The following KLHL41 variants were observed in gnomAD, a reference collection of about 807,000 sequenced individuals.
KLHL41 encodes kelch like family member 41.
Under a neutral mutation model 49.2 loss-of-function variants are expected in KLHL41, and 31 were observed. That is an observed-to-expected ratio of 0.63 (90% CI 0.47 to 0.85). The LOEUF (loss-of-function observed/expected upper bound fraction) is 0.85. Ranked by LOEUF, KLHL41 falls within the 40% of genes least tolerant of loss-of-function variation. KLHL41 has a pLI of 0.00. For synonymous variants in KLHL41, 218 were observed against 258.5 expected, an observed-to-expected ratio of 0.84 and a Z score of 1.50; for missense variants, 663 against 726.7, an observed-to-expected ratio of 0.91 and a Z score of 1.01.
intron 3 of KLHL41, among the ~76,000 whole-genome samples, chr2:169,516,021 G>A (rs968744087): frequency 2.0e-5 from 3 of 152,176 alleles, no homozygotes; most frequent in Non-Finnish European, 2.9e-5. Context: ...AGTGAGCTCC[G>A]AATGCTTCAG....
At chr2:169,513,515 A>G (rs1684062690) in intron 1 of KLHL41, among the ~76,000 whole-genome samples, 1 of 152,260 alleles carries the variant, frequency 6.6e-6, no homozygotes, top group Non-Finnish European at 1.5e-5. Context: ...CTAAGAATGC[A>G]CATGTGGAGA....
chr2:169,511,006 TC>T, intron 1 of KLHL41, 118 bp downstream of exon 1: 1 of 819,376 alleles, frequency 1.2e-6, no homozygotes, highest in Non-Finnish European at 1.9e-6. Flanking sequence ...GATGTCCTAT[TC>T]CAGTCCCTTG....
At position 169,525,632 on chromosome 2, in the gene KLHL41, G is replaced by A. The variant is rs762482219; in HGVS notation, c.1757G>A (p.Arg586His). Residue 586 changes from arginine to histidine, a missense_variant, in exon 6 of 6, where the codon CGT becomes CAT. Transcript: ENST00000284669. Reference sequence around the variant, plus strand: ...TGGGCTGGGATGTTGAAGGAAATACGTTATGCTTCAGGAGCTAGTTGCCTA... The same window carrying A: ...TGGGCTGGGATGTTGAAGGAAATACATTATGCTTCAGGAGCTAGTTGCCTA... Reference protein sequence around the residue: ...KEWAGMLKEIRYASGASCLAT... With the variant: ...KEWAGMLKEIHYASGASCLAT... 47 of 1,613,430 alleles carry A rather than the reference G, an allele frequency of 2.9e-5. No individual in the cohort carries two copies. Among genetic ancestry groups the A allele is most frequent in the South Asian group, 2.7e-4 (25 of 91,072 alleles).
At chr2:169,516,850 C>T (rs147511197) in intron 3 of KLHL41, among the ~76,000 whole-genome samples, 57 of 152,082 alleles carry the variant, frequency 3.7e-4, no homozygotes, top group African/African-American at 1.3e-3. Flanking sequence ...GGAGAAACCC[C>T]GTCTCTACTA....
In KLHL41 at chr2:169,510,323, T is replaced by C; in HGVS notation, c.545T>C (p.Val182Ala). ...CTGTCTCCACAGGAACTGATCTCAG[T>C]CATTTCAAATGACAGCCTAAATGTA... ...MQLSPQELISVISNDSLNVEK... is the reference protein window; with the variant it reads ...MQLSPQELISAISNDSLNVEK... The change falls in exon 1 of 6, where the codon GTC becomes GCC. Residue 182 changes from valine (V) to alanine (A), a missense_variant. Physicochemically the swap from Val to Ala is moderately conservative, Grantham distance 64 (BLOSUM62 0). Around this residue, in one of 3 missense-constraint regions of KLHL41, gnomAD observed 528 missense variants for 581.0 expected, o/e 0.91. Transcript: ENST00000284669. The surrounding 1 kb of genome is among the most constrained non-coding windows in gnomAD (Gnocchi z 4.2). 6.2e-7 allele frequency: 1 copy of C among 1,614,124 alleles called. No individual in the cohort carries two copies. The highest frequency in any genetic ancestry group is 8.5e-7 in the Non-Finnish European group (1 of 1,180,018).
At position 169,514,937 on chromosome 2, in the gene KLHL41, G is replaced by C; in HGVS notation, c.1352G>C (p.Cys451Ser). 3 of 1,604,450 alleles carry C rather than the reference G, an allele frequency of 1.9e-6. No homozygotes were observed. Among genetic ancestry groups the C allele is most frequent in the Non-Finnish European group, 2.6e-6 (3 of 1,175,660 alleles). Residue 451 changes from cysteine (C) to serine (S), a missense_variant, in exon 3 of 6, where the codon TGT becomes TCT. Around this residue, in one of 3 missense-constraint regions of KLHL41, gnomAD observed 528 missense variants for 581.0 expected, o/e 0.91. Coordinates refer to ENST00000284669, the MANE Select transcript of KLHL41 (RefSeq NM_006063.3). ...NVISHKGMIY[C>S]LGGKTDDKKC... ...ATTTCACATAAAGGGATGATATATT[G>C]TCTAGGAGGAAAGACAGATGACAAG...
rs1475078038 is a variant in KLHL41, at chr2:169,509,896, G to T, written c.118G>T (p.Gly40Cys). The change falls in exon 1 of 6, where the codon GGT (glycine) becomes TGT (cysteine). Residue 40 changes from glycine (G) to cysteine (C), a missense_variant. Coordinates refer to ENST00000284669, the MANE Select transcript of KLHL41 (RefSeq NM_006063.3). ...ATTCATCGATTGCACCCTAAAAGCA[G>T]GTGACAAAAGTCTTCCTTGCCACAG... Reference protein sequence around the residue: ...KKFIDCTLKAGDKSLPCHRLI... With the variant: ...KKFIDCTLKACDKSLPCHRLI... The T allele has an allele frequency of 6.2e-7, 1 of 1,614,052 alleles. No homozygotes were observed. Among genetic ancestry groups the T allele is most frequent in the African/African-American group, 1.3e-5 (1 of 74,928 alleles).
intron 1 of KLHL41, among the ~76,000 whole-genome samples, chr2:169,513,029 A>G (rs1045811383): frequency 1.3e-5 from 2 of 152,192 alleles, no homozygotes; most frequent in African/African-American, 2.4e-5. Context: ...AAATAGCTTG[A>G]TAGTTCCTCT....
rs10206280 is a variant in KLHL41 at position 169,525,415 on chromosome 2, C to T, written c.1710-170C>T. On this transcript the variant is annotated intron_variant, in intron 5 of 5. Coordinates refer to ENST00000284669, the MANE Select transcript of KLHL41 (RefSeq NM_006063.3). ...GCAGTAGTTCAGGCACATGCTCATC[C>T]AGACAATGCATATTTGGGAGATATT... 4.3e-3 allele frequency among the ~76,000 whole-genome samples: 660 copies of T among 152,336 alleles called. 8 individuals are homozygous for T. Among genetic ancestry groups the T allele is most frequent in the African/African-American group, 0.015 (632 of 41,574 alleles).
At chr2:169,515,015 G>T (rs372847209) in intron 3 of KLHL41, 54 bp downstream of exon 3, 29 of 1,074,120 alleles carry the variant, frequency 2.7e-5, no homozygotes, top group East Asian at 7.7e-5. Flanking sequence ...TATTAGAAGG[G>T]TTTCTTCCTC....
At position 169,510,956 on chromosome 2, in the gene KLHL41, A is replaced by G; in HGVS notation, c.1110+68A>G. On this transcript the variant is annotated intron_variant, in intron 1 of 5. Coordinates refer to ENST00000284669, the MANE Select transcript of KLHL41 (RefSeq NM_006063.3). The surrounding 1 kb of genome is among the most constrained non-coding windows in gnomAD (Gnocchi z 4.2). ...CTGTTACTCACCATCCAGTTAGCCA[A>G]TTTGTGAATTATTCAAGCTGCTTGC... 7.6e-7 allele frequency: 1 copy of G among 1,323,376 alleles called. No individual in the cohort carries two copies. Among genetic ancestry groups the G allele is most frequent in the South Asian group, 1.4e-5 (1 of 73,434 alleles). 82.0% of individuals were successfully genotyped at this position (1,323,376 alleles called of 1,614,324 possible).
At chr2:169,524,010 C>T (rs1320327) in intron 5 of KLHL41, among the ~76,000 whole-genome samples, 110,722 of 148,890 alleles carry the variant, frequency 0.74, 41,604 homozygotes, top group East Asian at 0.96. Flanking sequence ...TCTTACTATA[C>T]GTAAAAAAAA....
chr2:169,510,154 C>G lies in KLHL41; in HGVS notation c.376C>G (p.Leu126Val). Residue 126 changes from leucine (L) to valine (V), a missense_variant, in exon 1 of 6, where the codon CTT becomes GTT. This residue lies in a region of KLHL41 where 528 missense variants were observed against 581.0 expected (regional missense o/e 0.91). Transcript: ENST00000284669. This position sits in a 1 kb window ranked among gnomAD's most constrained non-coding sequence, Gnocchi z 4.2. ...PSVFTVCVSYLQKRLAPGNCL... is the reference protein window; with the variant it reads ...PSVFTVCVSYVQKRLAPGNCL... ...AGTGTTTACTGTCTGCGTTTCTTAT[C>G]TTCAGAAAAGACTTGCTCCTGGTAA... The G allele has an allele frequency of 6.2e-7, 1 of 1,614,124 alleles. No homozygotes were observed. The highest frequency in any genetic ancestry group is 1.1e-5 in the South Asian group (1 of 91,072).
rs748332293 is a variant in KLHL41, at chr2:169,509,726, T to C, written c.-53T>C. 17 of 1,543,734 alleles carry C rather than the reference T, an allele frequency of 1.1e-5. No individual in the cohort carries two copies. Among genetic ancestry groups the C allele is most frequent in the Non-Finnish European group, 1.4e-5 (16 of 1,150,304 alleles). On this transcript the variant is annotated 5_prime_UTR_variant, in exon 1 of 6. Coordinates refer to ENST00000284669, the MANE Select transcript of KLHL41 (RefSeq NM_006063.3). Reference sequence around the variant, plus strand: ...CCTTTTTACAGCTAGACCTGTGTGCTGCAAGGAGCTAAGGCCTTCAGTGTC... The same window carrying C: ...CCTTTTTACAGCTAGACCTGTGTGCCGCAAGGAGCTAAGGCCTTCAGTGTC...
chr2:169,513,656 A>T (rs550795477), intron 1 of KLHL41, among the ~76,000 whole-genome samples: 23 of 152,358 alleles, frequency 1.5e-4, no homozygotes, highest in African/African-American at 5.3e-4. Context: ...TATTCTTAGT[A>T]TCCAGTGAAA....
rs548071363 is a variant in KLHL41, at chr2:169,517,960, A to C, written c.1377-230A>C. Among the ~76,000 whole-genome samples, 8 of 152,292 alleles carry C rather than the reference A, an allele frequency of 5.3e-5. No individual in the cohort carries two copies. In the East Asian group the frequency reaches 7.7e-4, roughly 15 times the overall value. On this transcript the variant is annotated intron_variant, in intron 3 of 5. Transcript: ENST00000284669. ...AAAATCAGCTGTGCCTGGGGTTCTA[A>C]GCAGCTATCCAGAAGTAAAGGTACC...
rs1684005659 is a variant in KLHL41, at chr2:169,510,043, A to C, written c.265A>C (p.Lys89Gln). ...VDPAILDLII[K>Q]YLYSASIDLN... Reference sequence around the variant, plus strand: ...TCCTGCTATACTTGATTTAATCATCAAATACCTGTACTCTGCCAGTATTGA... The same window carrying C: ...TCCTGCTATACTTGATTTAATCATCCAATACCTGTACTCTGCCAGTATTGA... Residue 89 changes from lysine to glutamine, a missense_variant, in exon 1 of 6, where the codon AAA becomes CAA. By Grantham distance (53) the Lys-to-Gln change is moderately conservative. Around this residue, in one of 3 missense-constraint regions of KLHL41, gnomAD observed 129 missense variants for 122.1 expected, o/e 1.06. Coordinates refer to ENST00000284669, the MANE Select transcript of KLHL41 (RefSeq NM_006063.3). The surrounding 1 kb of genome is among the most constrained non-coding windows in gnomAD (Gnocchi z 4.2). The C allele has an allele frequency of 6.2e-7, 1 of 1,614,220 alleles. No individual in the cohort carries two copies.
At position 169,525,932 on chromosome 2, in the gene KLHL41, T is replaced by G. The variant is rs1398196445; in HGVS notation, c.*236T>G. On this transcript the variant is annotated 3_prime_UTR_variant, in exon 6 of 6. Transcript: ENST00000284669. Reference sequence around the variant, plus strand: ...AAATCTTCAGTTGAACAAATTATTTTGTGAATCTGTTTCACTCAATGGATT... The same window carrying G: ...AAATCTTCAGTTGAACAAATTATTTGGTGAATCTGTTTCACTCAATGGATT... 9.2e-6 allele frequency: 3 copies of G among 324,820 alleles called. No homozygotes were observed. Among genetic ancestry groups the G allele is most frequent in the Non-Finnish European group, 1.7e-5 (3 of 179,236 alleles). 20.1% of individuals were successfully genotyped at this position (324,820 alleles called of 1,614,324 possible).
At chr2:169,523,148 G>A (rs183205466) in intron 5 of KLHL41, among the ~76,000 whole-genome samples, 1 of 152,262 alleles carries the variant, frequency 6.6e-6, no homozygotes, top group Admixed American at 6.5e-5. Context: ...TGCTGCCCCT[G>A]CAGGGAACAG....
Sources: gnomAD v4.1 joint callset for allele counts (sites outside exome capture counted in the v4.1 genomes callset) on GRCh38, gnomAD v4.1.1 for gene constraint, gnomAD v4.1.1 regional missense constraint, Gnocchi (gnomAD v3.1) non-coding constraint, MANE v1.5 for transcripts, NCBI Gene and HGNC (gene_info 2026-07-23, HGNC 2026-07-21) for gene names.